Variants in SRCIN1 observed in about 807,000 individuals in gnomAD.
SRCIN1 encodes the protein P130Cas-associated protein.
Under a neutral mutation model 116.2 loss-of-function variants are expected in SRCIN1, and 50 were observed. The observed-to-expected ratio is 0.43, with a 90% CI of 0.34 to 0.54. SRCIN1 has a LOEUF of 0.54. SRCIN1 is among the 20% of genes least tolerant of loss of function. SRCIN1 has a pLI of 0.02. For synonymous variants in SRCIN1, 736 were observed against 750.0 expected (o/e 0.98, Z 0.30); for missense variants, 1,446 against 1,672.0 (o/e 0.86, Z 2.36).
rs917042314 is a variant in SRCIN1, at chr17:38,530,507, C to G, written c.*2790G>C. ...AGCGAGGCGCATGCAGCTGGGGGCA[C>G]TGATGTGCTGCAGGCTGTGAGAGGG... On this transcript the variant is annotated 3_prime_UTR_variant, in exon 19 of 19. Transcript: ENST00000617146. The G allele has an allele frequency of 2.6e-5, 4 of 152,450 alleles. No homozygotes were observed. The highest frequency in any genetic ancestry group is 5.9e-5 in the Non-Finnish European group (4 of 68,276). 9.4% of individuals were successfully genotyped at this position (152,450 alleles called of 1,614,324 possible).
chr17:38,595,278 C>T (rs927549990), intron 1 of SRCIN1, among the ~76,000 whole-genome samples: 4 of 152,030 alleles, frequency 2.6e-5, no homozygotes, highest in African/African-American at 4.8e-5. Context: ...AGTGCGGTGG[C>T]GCAATCTCGG....
At chr17:38,543,175 C>T (rs1448329608) in intron 18 of SRCIN1, 1 of 456,764 alleles carries the variant, frequency 2.2e-6, no homozygotes, top group Admixed American at 2.3e-5. Flanking sequence ...TCCTGCTGCA[C>T]CCCTACCCTT....
intron 1 of SRCIN1, among the ~76,000 whole-genome samples, chr17:38,593,555 C>G (rs1264617592): frequency 6.6e-6 from 1 of 152,252 alleles, no homozygotes; most frequent in East Asian, 1.9e-4. Context: ...GGTCTGTCGT[C>G]TCTTCCCCCA....
In SRCIN1 at chr17:38,561,659, C is replaced by T. The variant is rs765452490; in HGVS notation, c.1504G>A (p.Gly502Ser). The change falls in exon 7 of 19, where the codon GGC becomes AGC. Residue 502 changes from glycine (G) to serine (S), a missense_variant. Physicochemically the swap from Gly to Ser is moderately conservative, Grantham distance 56. Transcript: ENST00000617146. ...HSPYSGPPSRGSPVRQSFRKD... is the reference protein window; with the variant it reads ...HSPYSGPPSRSSPVRQSFRKD... ...CGGAAGGACTGGCGCACTGGCGAGC[C>T]GCGGCTGGGCGGCCCCGAGTAGGGG... The T allele has an allele frequency of 6.4e-7, 1 of 1,556,912 alleles. No individual in the cohort carries two copies. Among genetic ancestry groups the T allele is most frequent in the Non-Finnish European group, 8.7e-7 (1 of 1,152,412 alleles).
At chr17:38,606,588 C>T (rs1597947986), upstream of SRCIN1, among the ~76,000 whole-genome samples, 1 of 152,202 alleles carries the variant, frequency 6.6e-6, no homozygotes, top group Non-Finnish European at 1.5e-5. This position sits in a 1 kb window ranked among gnomAD's most constrained non-coding sequence, Gnocchi z 5.2. Context: ...GAACTGCAGG[C>T]AGGTCCGCGC....
At chr17:38,574,379 C>A (rs1008473788) in intron 2 of SRCIN1, among the ~76,000 whole-genome samples, 1 of 152,134 alleles carries the variant, frequency 6.6e-6, no homozygotes, top group African/African-American at 2.4e-5. Flanking sequence ...TGGCTTGATG[C>A]CCAAGTCTTC....
In SRCIN1 at chr17:38,551,171, A is replaced by C. The variant is rs761738045; in HGVS notation, c.2946T>G (p.Ser982Arg). Residue 982 changes from serine to arginine, a missense_variant, in exon 15 of 19, where the codon AGT (serine) becomes AGG (arginine). Ser to Arg is a moderately radical substitution (Grantham distance 110). This residue lies in a region of SRCIN1 where 531 missense variants were observed against 633.9 expected (regional missense o/e 0.84). Coordinates refer to ENST00000617146, the MANE Select transcript of SRCIN1 (RefSeq NM_025248.3). The part of the protein sequence containing the change: ...GQKAAPRTEP[S>R]GRRGSDELTV... ...TCCCCATACCTGAGCCCCTCCTCCC[A>C]CTGGGCTCCGTTCGGGGGGCTGCCT... 3.3e-5 allele frequency: 51 copies of C among 1,554,012 alleles called. No homozygotes were observed. Among genetic ancestry groups the C allele is most frequent in the Non-Finnish European group, 4.4e-5 (50 of 1,139,404 alleles).
At chr17:38,579,697 G>A (rs1017695988) in intron 1 of SRCIN1, among the ~76,000 whole-genome samples, 10 of 152,110 alleles carry the variant, frequency 6.6e-5, no homozygotes, top group African/African-American at 1.9e-4. Context: ...AGAGAAGGCC[G>A]GGGGTTGAGG....
At chr17:38,550,836 GC>G (rs1313420086) in intron 15 of SRCIN1, among the ~76,000 whole-genome samples, 1 of 152,166 alleles carries the variant, frequency 6.6e-6, no homozygotes, top group African/African-American at 2.4e-5. Flanking sequence ...CGCTCAACCC[GC>G]CCTCAACACA....
At chr17:38,555,776 G>A (rs981847802) in intron 11 of SRCIN1, among the ~76,000 whole-genome samples, 1 of 152,044 alleles carries the variant, frequency 6.6e-6, no homozygotes, top group Non-Finnish European at 1.5e-5. Context: ...CCCAGCCCTC[G>A]CTCTACCACA....
chr17:38,564,366 C>G (rs1597907474), intron 3 of SRCIN1, 53 bp from the exon 4 acceptor site: 2 of 1,437,588 alleles, frequency 1.4e-6, no homozygotes, highest in Non-Finnish European at 1.8e-6. Context: ...CCCCCCTCCC[C>G]TTTGCTTGTC....
At chr17:38,570,281 AC>A (rs1239230190) in intron 2 of SRCIN1, among the ~76,000 whole-genome samples, 3 of 152,008 alleles carry the variant, frequency 2.0e-5, no homozygotes, top group African/African-American at 7.3e-5. Flanking sequence ...CTCCCGCCAG[AC>A]CCCTGCCTCG....
intron 1 of SRCIN1, among the ~76,000 whole-genome samples, chr17:38,594,459 G>A (rs1366531702): frequency 1.3e-5 from 2 of 152,146 alleles, no homozygotes; most frequent in African/African-American, 4.8e-5. Context: ...TCAGAGAGCT[G>A]GAAAAGGGCT....
intron 1 of SRCIN1, among the ~76,000 whole-genome samples, chr17:38,588,689 G>A (rs1908278910): frequency 6.6e-6 from 1 of 152,200 alleles, no homozygotes; most frequent in African/African-American, 2.4e-5. Flanking sequence ...GGCTGAAAGC[G>A]TGCCCAGGGG....
At chr17:38,566,859 T>C (rs71384241) in intron 3 of SRCIN1, among the ~76,000 whole-genome samples, 21,057 of 139,704 alleles carry the variant, frequency 0.15, 1,604 homozygotes, top group African/African-American at 0.18. Context: ...TGTTTTGTTT[T>C]GTTTCGTTTC....
intron 2 of SRCIN1, among the ~76,000 whole-genome samples, chr17:38,576,928 C>A (rs1033267986): frequency 2.0e-5 from 3 of 152,056 alleles, no homozygotes; most frequent in African/African-American, 7.3e-5. Flanking sequence ...GCAAACACAG[C>A]CACCTTAGCC....
chr17:38,583,872 G>T (rs1167769893), intron 1 of SRCIN1, among the ~76,000 whole-genome samples: 4 of 152,174 alleles, frequency 2.6e-5, no homozygotes, highest in Admixed American at 6.5e-5. Flanking sequence ...TGCTTTCAAT[G>T]AAAGACATTC....
At chr17:38,578,439 C>G (rs1021692298) in intron 2 of SRCIN1, 51 bp downstream of exon 2, 1 of 1,517,752 alleles carries the variant, frequency 6.6e-7, no homozygotes, top group Non-Finnish European at 8.9e-7. Flanking sequence ...ACCTCCTCCC[C>G]TGCCCGCTGG....
Position 38,560,237 on chromosome 17 carries a change from G to T in SRCIN1, c.1793+96C>A, listed in dbSNP as rs561793608. 48 of 1,427,020 alleles carry T rather than the reference G, an allele frequency of 3.4e-5. No individual in the cohort carries two copies. In the African/African-American group the frequency reaches 6.5e-4, roughly 19 times the overall value. The allele number at this position is 1,427,020 out of a possible 1,614,324, so 88.4% of individuals were successfully genotyped here. A position where few individuals can be genotyped will look rare whatever the true frequency, so the allele number is the denominator to read the frequency against. ...AGAGAAGGGAAGGGATTCACCCAGG[G>T]TCACCCAGTGAGACACTGGCAGAGC... On this transcript the variant is annotated intron_variant, in intron 8 of 18. Transcript: ENST00000617146.
Sources: gnomAD v4.1 joint callset for allele counts (sites outside exome capture counted in the v4.1 genomes callset) on GRCh38, gnomAD v4.1.1 for gene constraint, gnomAD v4.1.1 regional missense constraint, Gnocchi (gnomAD v3.1) non-coding constraint, MANE v1.5 for transcripts, NCBI Gene and HGNC (gene_info 2026-07-23, HGNC 2026-07-21) for gene names.